Variants in MAST4 observed in about 807,000 individuals in gnomAD.
MAST4 encodes microtubule associated serine/threonine kinase family member 4.
Under a neutral mutation model 162.7 loss-of-function variants are expected in MAST4, and 89 were observed. The observed-to-expected ratio is 0.55, with a 90% CI of 0.46 to 0.65. The LOEUF (loss-of-function observed/expected upper bound fraction) is 0.65. MAST4 is among the 30% of genes least tolerant of loss of function. The pLI is 0.00. For missense variants in MAST4, 3,153 were observed against 3,374.0 expected (o/e 0.93, Z 1.62); for synonymous variants, 1,479 against 1,361.1 (o/e 1.09, Z -1.91).
At chr5:66,753,117 C>G (rs1350543623) in intron 1 of MAST4, among the ~76,000 whole-genome samples, 1 of 151,744 alleles carries the variant, frequency 6.6e-6, no homozygotes, top group Non-Finnish European at 1.5e-5. Flanking sequence ...AACAAAGACA[C>G]AACATACCAG....
chr5:66,598,698 A>G (rs1236679297), intron 1 of MAST4, among the ~76,000 whole-genome samples: 1 of 152,200 alleles, frequency 6.6e-6, no homozygotes, highest in East Asian at 1.9e-4. Flanking sequence ...ATTCACCAAT[A>G]GTTCCTAATT....
chr5:66,748,419 T>A (rs531678648), intron 1 of MAST4, among the ~76,000 whole-genome samples: 1 of 2,718 alleles, frequency 3.7e-4, no homozygotes, highest in Admixed American at 4.3e-3. Flanking sequence ...CTTCCTCCCT[T>A]CCTTCCTCCC....
chr5:67,126,239 T>C (rs1013726472), intron 14 of MAST4, among the ~76,000 whole-genome samples: 3 of 152,228 alleles, frequency 2.0e-5, no homozygotes, highest in East Asian at 3.8e-4. Flanking sequence ...GCAGAAGCTC[T>C]TTAGTTTAAT....
chr5:66,974,263 C>T (rs1747836694), intron 4 of MAST4, among the ~76,000 whole-genome samples: 1 of 152,150 alleles, frequency 6.6e-6, no homozygotes, highest in Non-Finnish European at 1.5e-5. Context: ...AGGGATTTGC[C>T]TATTTTGGTT....
chr5:66,622,366 G>C (rs1213204068), intron 1 of MAST4, among the ~76,000 whole-genome samples: 1 of 151,764 alleles, frequency 6.6e-6, no homozygotes, highest in Non-Finnish European at 1.5e-5. Context: ...TGAGATCAAA[G>C]GCTAGGAATG....
intron 1 of MAST4, among the ~76,000 whole-genome samples, chr5:66,647,393 C>T (rs11960033): frequency 0.29 from 44,183 of 151,638 alleles, 6,569 homozygotes; most frequent in South Asian, 0.33. Context: ...CATTTTTTTT[C>T]GTTTTCATTG....
chr5:67,084,546 A>G (rs188054217), intron 5 of MAST4, among the ~76,000 whole-genome samples: 45 of 152,348 alleles, frequency 3.0e-4, no homozygotes, highest in African/African-American at 1.0e-3. Flanking sequence ...GCTGTATAAC[A>G]GGGATGAGAT....
Position 67,168,521 on chromosome 5 carries a change from G to A in MAST4, c.*1470G>A, listed in dbSNP as rs1451397999. 6.6e-6 allele frequency: 1 copy of A among 152,026 alleles called. No individual in the cohort carries two copies. The highest frequency in any genetic ancestry group is 1.5e-5 in the Non-Finnish European group (1 of 68,008). 9.4% of individuals were successfully genotyped at this position (152,026 alleles called of 1,614,324 possible). A position where few individuals can be genotyped will look rare whatever the true frequency, so the allele number is the denominator to read the frequency against. On this transcript the variant is annotated 3_prime_UTR_variant, in exon 29 of 29. Transcript: ENST00000403625. ...TTTTTGATTTCTTGTTTTTGTTTCT[G>A]TTGTTGCAGTTTCTTTGGTGGCTTG... is the stretch of plus-strand genomic sequence containing the variant.
At chr5:66,774,350 T>A (rs2149644455) in intron 2 of MAST4, among the ~76,000 whole-genome samples, 1 of 152,360 alleles carries the variant, frequency 6.6e-6, no homozygotes, top group East Asian at 1.9e-4. Context: ...CAGTGGCGTA[T>A]ACGTAAATAA....
At chr5:67,153,673 G>T in intron 26 of MAST4, 93 bp downstream of exon 26, 2 of 1,190,934 alleles carry the variant, frequency 1.7e-6, no homozygotes, top group Non-Finnish European at 2.2e-6. Context: ...TCACACCCAT[G>T]TCTGATTACT....
intron 1 of MAST4, among the ~76,000 whole-genome samples, chr5:66,700,512 C>T (rs562755298): frequency 1.3e-5 from 2 of 151,920 alleles, no homozygotes; most frequent in South Asian, 4.2e-4. Flanking sequence ...CAGAACCCCA[C>T]CTCTACTAAA....
At chr5:66,699,945 T>C (rs540881474) in intron 1 of MAST4, among the ~76,000 whole-genome samples, 1 of 152,178 alleles carries the variant, frequency 6.6e-6, no homozygotes, top group Admixed American at 6.5e-5. Flanking sequence ...CCAAACTCTT[T>C]GTCTCATAGT....
intron 14 of MAST4, among the ~76,000 whole-genome samples, chr5:67,124,751 A>T (rs1276310842): frequency 6.6e-6 from 1 of 152,212 alleles, no homozygotes; most frequent in Non-Finnish European, 1.5e-5. Context: ...TGATTATTGT[A>T]AGTACATCAT....
At chr5:66,623,035 C>T (rs1744178872) in intron 1 of MAST4, 1 of 152,134 alleles carries the variant, frequency 6.6e-6, no homozygotes, top group African/African-American at 2.4e-5. Context: ...CCCTGAGAGT[C>T]CTGAATTCCT....
intron 1 of MAST4, among the ~76,000 whole-genome samples, chr5:66,740,008 C>G (rs1024004327): frequency 1.3e-5 from 2 of 152,082 alleles, no homozygotes; most frequent in South Asian, 2.1e-4. Context: ...TATCCTTTGT[C>G]TTGGGAATGT....
At position 66,951,636 on chromosome 5, in the gene MAST4, G is replaced by GTGTATGTA. The variant is rs1554072472; in HGVS notation, c.674+51657_674+51658insATGTATGT. On this transcript the variant is annotated intron_variant, in intron 4 of 28. Transcript: ENST00000403625. ...TGTGTGTGTGTGTGTGTGTGTGTGT[G>GTGTATGTA]TGTGTGTGTGTGTGTGTATTTTTTC... is the stretch of plus-strand genomic sequence containing the variant. Among the ~76,000 whole-genome samples the GTGTATGTA allele has an allele frequency of 6.3e-4, 92 of 145,382 alleles. 1 individual carries two copies. Among genetic ancestry groups the GTGTATGTA allele is most frequent in the South Asian group, 6.5e-4 (3 of 4,638 alleles).
At chr5:66,956,871 A>G (rs1028059470) in intron 4 of MAST4, among the ~76,000 whole-genome samples, 1 of 152,062 alleles carries the variant, frequency 6.6e-6, no homozygotes, top group Non-Finnish European at 1.5e-5. Context: ...GAGGAAGTAG[A>G]CCATTTAGGA....
At chr5:66,838,235 A>C (rs1758165957) in intron 3 of MAST4, among the ~76,000 whole-genome samples, 1 of 152,068 alleles carries the variant, frequency 6.6e-6, no homozygotes, top group South Asian at 2.1e-4. Flanking sequence ...AGAGACAATA[A>C]TGCCTGTGAT....
At chr5:66,768,242 G>T (rs1754193130) in intron 2 of MAST4, among the ~76,000 whole-genome samples, 1 of 152,234 alleles carries the variant, frequency 6.6e-6, no homozygotes, top group Non-Finnish European at 1.5e-5. Flanking sequence ...AGGAGAACTT[G>T]TTTGTAAAGC....
Sources: allele counts gnomAD v4.1 joint callset (sites outside exome capture counted in the v4.1 genomes callset), GRCh38; gene constraint gnomAD v4.1.1; transcripts MANE v1.5; gene names NCBI Gene and HGNC (gene_info 2026-07-23, HGNC 2026-07-21).